Variants in NAA25 observed in about 807,000 individuals in gnomAD.
NAA25 encodes the protein N-alpha-acetyltransferase 25, NatB auxiliary subunit, also known as N-terminal acetyltransferase B complex subunit NAA25.
NAA25 carries 30 observed loss-of-function variants against 132.5 expected under a neutral mutation model. The observed-to-expected ratio is 0.23, with a 90% CI of 0.17 to 0.31. The LOEUF (loss-of-function observed/expected upper bound fraction) is 0.31, where lower values mean the gene tolerates loss of function less well. Ranked by LOEUF, NAA25 falls within the 10% of genes least tolerant of loss-of-function variation. The pLI is 1.00. For synonymous variants in NAA25, 359 were observed against 401.9 expected (o/e 0.89, Z 1.28); for missense variants, 771 against 1,150.4 (o/e 0.67, Z 4.77).
chr12:112,093,180 T>A (rs2079161775), intron 1 of NAA25, 44 bp from the exon 2 acceptor site: 2 of 1,159,814 alleles, frequency 1.7e-6, no homozygotes, highest in Non-Finnish European at 2.6e-6. Flanking sequence ...ATTCCTTCAA[T>A]AACAAATATA....
At chr12:112,032,762 C>A (rs963788744) in intron 23 of NAA25, among the ~76,000 whole-genome samples, 15 of 152,144 alleles carry the variant, frequency 9.9e-5, no homozygotes, top group African/African-American at 3.6e-4. Context: ...GATGGTGGTA[C>A]CTTTGATTCC....
rs550350135 is a variant in NAA25 at position 112,078,571 on chromosome 12, T to C, written c.585+63A>G. 88 of 1,378,064 alleles carry C rather than the reference T, an allele frequency of 6.4e-5. No homozygotes were observed. The Admixed American group carries it at 1.4e-3, about 22-fold the overall frequency. 85.4% of individuals were successfully genotyped at this position (1,378,064 alleles called of 1,614,324 possible). A position where few individuals can be genotyped will look rare whatever the true frequency, so the allele number is the denominator to read the frequency against. On this transcript the variant is annotated intron_variant, in intron 6 of 23. Coordinates refer to ENST00000261745, the MANE Select transcript of NAA25 (RefSeq NM_024953.4). ...AACAAAACAACAGTTCATAGTATTATAACATAATATTGTAGCACTAGCAAA... is the reference window on the plus strand; with the variant it reads ...AACAAAACAACAGTTCATAGTATTACAACATAATATTGTAGCACTAGCAAA...
intron 15 of NAA25, among the ~76,000 whole-genome samples, chr12:112,050,603 C>T (rs1355974515): frequency 1.3e-5 from 2 of 151,574 alleles, no homozygotes; most frequent in Non-Finnish European, 2.9e-5. Flanking sequence ...ACTGCAACCT[C>T]CACCTCCCAG....
intron 11 of NAA25, among the ~76,000 whole-genome samples, chr12:112,063,451 G>GA (rs2078667037): frequency 6.6e-6 from 1 of 152,182 alleles, no homozygotes; most frequent in Non-Finnish European, 1.5e-5. Flanking sequence ...AGTCATAGCT[G>GA]AAAACAGGGG....
At chr12:112,053,717 G>T in intron 14 of NAA25, 60 bp from the exon 15 acceptor site, 2 of 1,116,310 alleles carry the variant, frequency 1.8e-6, no homozygotes, top group Non-Finnish European at 2.5e-6. Flanking sequence ...CCTAGCTCAA[G>T]TAACAAATAT....
chr12:112,068,884 G>C lies in NAA25; in HGVS notation c.1145C>G (p.Thr382Arg), dbSNP rs1566016691. 1 of 1,587,448 alleles carries C rather than the reference G, an allele frequency of 6.3e-7. No homozygotes were observed. The highest frequency in any genetic ancestry group is 8.6e-7 in the Non-Finnish European group (1 of 1,159,880). ...TCTAAACTGTATAGTACTTACTTTT[G>C]TACACTGTGTAGCAGGTAAGAGGTC... The part of the protein sequence containing the change: ...FVDLLPATQC[T>R]KFINQLLGVV... Residue 382 changes from threonine (T) to arginine (R), a missense_variant, in exon 11 of 24, where the codon ACA becomes AGA. Physicochemically the swap from Thr to Arg is moderately conservative, Grantham distance 71. Transcript: ENST00000261745.
chr12:112,081,248 A>G, intron 4 of NAA25, 114 bp from the exon 5 acceptor site: 1 of 822,412 alleles, frequency 1.2e-6, no homozygotes, highest in Non-Finnish European at 2.0e-6. Context: ...TACATATCCC[A>G]GTTAGTGTAA....
chr12:112,097,108 T>C (rs112912981), intron 1 of NAA25: 1 of 152,170 alleles, frequency 6.6e-6, no homozygotes, highest in Admixed American at 6.6e-5. Context: ...CCACCCCAGG[T>C]TGGACATTTG....
intron 21 of NAA25, chr12:112,039,877 T>C (rs994260184): frequency 6.5e-6 from 1 of 154,442 alleles, no homozygotes; most frequent in African/African-American, 2.4e-5. Flanking sequence ...CATGTACATA[T>C]ATGTCCGCTT....
chr12:112,095,659 G>A (rs1161062741), intron 1 of NAA25, among the ~76,000 whole-genome samples: 1 of 140,678 alleles, frequency 7.1e-6, no homozygotes. Flanking sequence ...AAGCACAAAA[G>A]ACAGAGAGAA....
intron 3 of NAA25, 96 bp from the exon 4 acceptor site, chr12:112,087,897 C>A: frequency 3.9e-6 from 3 of 762,160 alleles, no homozygotes; most frequent in Non-Finnish European, 6.7e-6. Context: ...TGTCTCCTAT[C>A]ATTATAGAAG....
rs1345986401 is a variant in NAA25 at position 112,091,543 on chromosome 12, A to G, written c.145-679T>C. 2.0e-5 allele frequency among the ~76,000 whole-genome samples: 3 copies of G among 152,298 alleles called. No individual in the cohort carries two copies. In the South Asian group the frequency reaches 6.2e-4, roughly 32 times the overall value. On this transcript the variant is annotated intron_variant, in intron 2 of 23. Transcript: ENST00000261745. The stretch of plus-strand genomic sequence containing the variant: ...TCCCATTTTTACAAAAAGTTTAAAT[A>G]TTAGCCAGGTGTGGTGGTGCACATC...
chr12:112,089,155 C>T (rs1057076541), intron 3 of NAA25, among the ~76,000 whole-genome samples: 1 of 152,084 alleles, frequency 6.6e-6, no homozygotes, highest in Non-Finnish European at 1.5e-5. Context: ...AATCCCAGCA[C>T]TTTGGGAGGC....
chr12:112,076,612 A>G (rs2078898991), intron 7 of NAA25, among the ~76,000 whole-genome samples: 1 of 152,174 alleles, frequency 6.6e-6, no homozygotes. Context: ...CCAACTGTTT[A>G]GCAGATTAAG....
rs2078186149 is a variant in NAA25 at position 112,033,891 on chromosome 12, AT to A, written c.2650-513del. ...AAATAGGAAAAATATTACTACCACA[AT>A]AAGAAACTTGGACAAAGAATAGAAG... On this transcript the variant is annotated intron_variant, in intron 22 of 23. Transcript: ENST00000261745. The A allele has an allele frequency of 3.3e-5, 5 of 152,276 alleles. No homozygotes were observed. The South Asian group carries it at 1.0e-3, about 32-fold the overall frequency. The allele number at this position is 152,276 out of a possible 1,614,324, so 9.4% of individuals were successfully genotyped here. A position where few individuals can be genotyped will look rare whatever the true frequency, so the allele number is the denominator to read the frequency against.
chr12:112,080,760 A>C (rs2078962658), intron 5 of NAA25, among the ~76,000 whole-genome samples: 1 of 152,128 alleles, frequency 6.6e-6, no homozygotes, highest in Middle Eastern at 3.4e-3. Context: ...TGGCCTCCCA[A>C]AGTGCTGGGA....
intron 7 of NAA25, among the ~76,000 whole-genome samples, chr12:112,077,924 G>GT (rs761581760): frequency 2.0e-5 from 3 of 151,762 alleles, no homozygotes; most frequent in Non-Finnish European, 2.9e-5. Flanking sequence ...AATATAAAGT[G>GT]TAACTGGAGG....
At chr12:112,054,367 T>C in intron 14 of NAA25, 21 bp downstream of exon 14, 1 of 1,607,906 alleles carries the variant, frequency 6.2e-7, no homozygotes, top group East Asian at 2.2e-5. Context: ...CTGCTCATTA[T>C]TCAGAGTATA....
chr12:112,033,201 G>C, intron 23 of NAA25, 32 bp downstream of exon 23: 1 of 1,579,396 alleles, frequency 6.3e-7, no homozygotes, highest in African/African-American at 1.4e-5. Context: ...TGTGTGTGTA[G>C]AAAACATTGC....
Sources: gnomAD v4.1 joint callset for allele counts (sites outside exome capture counted in the v4.1 genomes callset) on GRCh38, gnomAD v4.1.1 for gene constraint, MANE v1.5 for transcripts, NCBI Gene and HGNC (gene_info 2026-07-23, HGNC 2026-07-21) for gene names.